The following HEMK2 variants were observed in gnomAD, a reference collection of about 807,000 sequenced individuals.
The protein encoded by HEMK2 is methyltransferase HEMK2.
At chr21:28,642,056 C>T in the HEMK2 span, among the ~76,000 whole-genome samples, 8 of 152,160 alleles carry the variant, frequency 5.3e-5, no homozygotes, top group Non-Finnish European at 1.2e-4. Flanking sequence ...CAAGCCATCA[C>T]GTTGGGGCTC....
At chr21:28,757,225 T>C in the HEMK2 span, among the ~76,000 whole-genome samples, 1 of 152,178 alleles carries the variant, frequency 6.6e-6, no homozygotes, top group Non-Finnish European at 1.5e-5. Context: ...TCAAACTAAA[T>C]GACAGGAATG....
the HEMK2 span, among the ~76,000 whole-genome samples, chr21:28,863,281 T>TG: frequency 6.6e-6 from 1 of 151,538 alleles, no homozygotes; most frequent in African/African-American, 2.4e-5. Flanking sequence ...GGATGCTTCC[T>TG]GCCCGTGAAC....
At chr21:28,812,202 A>G in the HEMK2 span, among the ~76,000 whole-genome samples, 1 of 152,234 alleles carries the variant, frequency 6.6e-6, no homozygotes, top group Non-Finnish European at 1.5e-5. Flanking sequence ...ATGATAGTAT[A>G]ATGGCATTCC....
At chr21:28,876,427 T>C in the HEMK2 span, 38 of 1,612,442 alleles carry the variant, frequency 2.4e-5, no homozygotes, top group African/African-American at 4.8e-4. Flanking sequence ...TTTCTTGGCC[T>C]GCTTGTCTGG....
chr21:28,880,116 AT>A, the HEMK2 span, among the ~76,000 whole-genome samples: 2 of 152,230 alleles, frequency 1.3e-5, no homozygotes, highest in African/African-American at 4.8e-5. Flanking sequence ...ATTCAGAAAA[AT>A]AATACATGCA....
At chr21:28,875,529 A>G in the HEMK2 span, 1 of 157,700 alleles carries the variant, frequency 6.3e-6, no homozygotes. Context: ...ATATGACCCA[A>G]GTGGCAGAGC....
the HEMK2 span, among the ~76,000 whole-genome samples, chr21:28,672,742 CTTT>C: frequency 1.3e-5 from 2 of 152,144 alleles, no homozygotes; most frequent in African/African-American, 4.8e-5. Flanking sequence ...ATGCCCTGCT[CTTT>C]TTCTCTTCTT....
At chr21:28,605,951 T>C in the HEMK2 span, among the ~76,000 whole-genome samples, 2,820 of 152,290 alleles carry the variant, frequency 0.019, 108 homozygotes, top group African/African-American at 0.065. Context: ...TGTTAGTGAC[T>C]TTCTCAGTAC....
At chr21:28,795,467 G>A in the HEMK2 span, among the ~76,000 whole-genome samples, 3 of 152,162 alleles carry the variant, frequency 2.0e-5, no homozygotes, top group African/African-American at 7.2e-5. Context: ...AACAGACTCT[G>A]CTGGAGTCAC....
At chr21:28,824,329 C>G in the HEMK2 span, among the ~76,000 whole-genome samples, 1 of 152,332 alleles carries the variant, frequency 6.6e-6, no homozygotes, top group South Asian at 2.1e-4. Flanking sequence ...GAAATCACTC[C>G]TATCTGAAGT....
the HEMK2 span, among the ~76,000 whole-genome samples, chr21:28,819,665 G>A: frequency 6.7e-6 from 1 of 148,956 alleles, no homozygotes; most frequent in Middle Eastern, 3.2e-3. Flanking sequence ...TCCTGCCTCA[G>A]CCTCCCAAGT....
chr21:28,710,927 C>T, the HEMK2 span, among the ~76,000 whole-genome samples: 25 of 152,216 alleles, frequency 1.6e-4, no homozygotes, highest in Admixed American at 1.0e-3. Flanking sequence ...TTTTAAACTA[C>T]GTGGTTTAAT....
At chr21:28,822,109 T>C in the HEMK2 span, among the ~76,000 whole-genome samples, 4 of 152,210 alleles carry the variant, frequency 2.6e-5, no homozygotes, top group African/African-American at 9.6e-5. Context: ...ATGGACATTT[T>C]ATTCTGCTAC....
the HEMK2 span, among the ~76,000 whole-genome samples, chr21:28,695,195 C>A: frequency 1.3e-5 from 2 of 152,044 alleles, no homozygotes; most frequent in African/African-American, 4.8e-5. Context: ...ATATATATAG[C>A]AGCTTGTCTT....
the HEMK2 span, among the ~76,000 whole-genome samples, chr21:28,699,194 C>T: frequency 6.6e-6 from 1 of 152,140 alleles, no homozygotes; most frequent in Admixed American, 6.5e-5. Context: ...TAATGAAATG[C>T]TACATGACTG....
At chr21:28,885,361 TCCATGCGCGTGCGCAGGGCGTGCGCATGC>T in the HEMK2 span, 1 of 1,535,924 alleles carries the variant, frequency 6.5e-7, no homozygotes, top group Admixed American at 1.9e-5. Flanking sequence ...TTCGCTGCGT[TCCATGCGCGTGCGCAGGGCGTGCGCATGC>T]GCATGCGCAT....
chr21:28,762,716 T>G, the HEMK2 span, among the ~76,000 whole-genome samples: 11 of 152,140 alleles, frequency 7.2e-5, no homozygotes, highest in Admixed American at 7.2e-4. Flanking sequence ...CAAATTCCCT[T>G]GGCTCTGTTT....
At chr21:28,790,128 T>G in the HEMK2 span, among the ~76,000 whole-genome samples, 2 of 152,194 alleles carry the variant, frequency 1.3e-5, no homozygotes, top group Non-Finnish European at 2.9e-5. Flanking sequence ...TTTACAGAAA[T>G]GAAATGAATT....
chr21:28,692,822 A>G, the HEMK2 span, among the ~76,000 whole-genome samples: 1 of 152,220 alleles, frequency 6.6e-6, no homozygotes, highest in Admixed American at 6.5e-5. Context: ...ATTCTACAAT[A>G]AAATGGAAAA....
Sources: gnomAD v4.1 joint callset for allele counts (sites outside exome capture counted in the v4.1 genomes callset) on GRCh38, gnomAD v4.1.1 for gene constraint, MANE v1.5 for transcripts, NCBI Gene and HGNC (gene_info 2026-07-23, HGNC 2026-07-21) for gene names.